Variants in MTMR2 observed in about 807,000 individuals in gnomAD.
MTMR2 encodes the protein myotubularin related protein 2.
MTMR2 carries 55 observed loss-of-function variants against 86.9 expected under a neutral mutation model. The ratio of observed to expected loss-of-function variants is 0.63; its 90% CI spans 0.51 to 0.79. The LOEUF (loss-of-function observed/expected upper bound fraction) is 0.79. MTMR2 is among the 30% of genes least tolerant of loss of function. MTMR2 has a pLI of 0.00. For missense variants in MTMR2, 659 were observed against 772.3 expected, an observed-to-expected ratio of 0.85 and a Z score of 1.74; for synonymous variants, 241 against 266.8, an observed-to-expected ratio of 0.90 and a Z score of 0.94.
rs146890775 is a variant in MTMR2 at position 95,899,997 on chromosome 11, G to A, written c.81-11736C>T. ...GCAGAGACATTCTGCTCAGGTTATG[G>A]AGCATCCACTGGGAAAAAAATTCTA... On this transcript the variant is annotated intron_variant, in intron 1 of 14. Coordinates refer to ENST00000346299, the MANE Select transcript of MTMR2 (RefSeq NM_016156.6). 4.2e-3 allele frequency among the ~76,000 whole-genome samples: 632 copies of A among 152,246 alleles called. 8 individuals carry two copies. Among genetic ancestry groups the A allele is most frequent in the African/African-American group, 0.014 (602 of 41,554 alleles).
rs11601858 is a variant in MTMR2, at chr11:95,880,238, C to T, written c.186+7918G>A. Among the ~76,000 whole-genome samples the T allele has an allele frequency of 9.5e-4, 144 of 152,010 alleles. 2 individuals carry two copies. The highest frequency in any genetic ancestry group is 3.3e-3 in the African/African-American group (138 of 41,480). On this transcript the variant is annotated intron_variant, in intron 2 of 14. Transcript: ENST00000346299. ...ACTGTAAGATACTCAATACATTACT[C>T]GTGTGTTTTAGGAGGAGCTTGTATT...
chr11:95,900,553 G>T (rs1040231340), intron 1 of MTMR2, among the ~76,000 whole-genome samples: 2 of 152,098 alleles, frequency 1.3e-5, no homozygotes, highest in East Asian at 1.9e-4. Flanking sequence ...GGCACGGACT[G>T]CCTCAACTTC....
intron 3 of MTMR2, 49 bp downstream of exon 3, chr11:95,865,552 T>C (rs780309878): frequency 6.6e-7 from 1 of 1,513,358 alleles, no homozygotes; most frequent in South Asian, 1.1e-5. Flanking sequence ...CTGAACATTC[T>C]GCACAGTAGA....
chr11:95,911,031 G>A (rs548402608), intron 1 of MTMR2, among the ~76,000 whole-genome samples: 1 of 152,242 alleles, frequency 6.6e-6, no homozygotes, highest in Non-Finnish European at 1.5e-5. Flanking sequence ...TAAAAATGCT[G>A]TGCCAGAACC....
At chr11:95,870,748 T>TTTA (rs1427410098) in intron 2 of MTMR2, among the ~76,000 whole-genome samples, 1 of 151,084 alleles carries the variant, frequency 6.6e-6, no homozygotes, top group African/African-American at 2.4e-5. Flanking sequence ...TTTTTTTTTT[T>TTTA]ATTATACTTT....
At chr11:95,868,273 T>TAAAAAAAAAAAAAAAAAAAAAAAAAAAA (rs555618890) in intron 2 of MTMR2, among the ~76,000 whole-genome samples, 8 of 42,220 alleles carry the variant, frequency 1.9e-4, no homozygotes, top group Admixed American at 4.5e-4. Flanking sequence ...GACCCTGTGC[T>TAAAAAAAAAAAAAAAAAAAAAAAAAAAA]AAAAAAAAAA....
chr11:95,867,761 G>C (rs117151750), intron 2 of MTMR2, among the ~76,000 whole-genome samples: 82 of 138,408 alleles, frequency 5.9e-4, no homozygotes, highest in South Asian at 3.4e-3. Context: ...ACTGATTCTA[G>C]ACAAATCTAT....
chr11:95,861,552 T>C (rs960800136), intron 5 of MTMR2, among the ~76,000 whole-genome samples: 7 of 151,766 alleles, frequency 4.6e-5, no homozygotes, highest in South Asian at 2.1e-4. Context: ...GCCTCCCCAA[T>C]AGCTGAGATT....
At position 95,842,731 on chromosome 11, in the gene MTMR2, T is replaced by C. The variant is rs576640969; in HGVS notation, c.1387-1022A>G. Among the ~76,000 whole-genome samples the C allele has an allele frequency of 5.0e-4, 76 of 152,362 alleles. 1 individual carries two copies. The highest frequency in any genetic ancestry group is 8.5e-4 in the Non-Finnish European group (58 of 68,034). ...ATTTGCACTAATGATGCAGAAGTTA[T>C]GAAGGATAAAAATTCTGGTGCCTTT... On this transcript the variant is annotated intron_variant, in intron 11 of 14. Transcript: ENST00000346299.
intron 1 of MTMR2, among the ~76,000 whole-genome samples, chr11:95,917,764 T>C (rs1322599370): frequency 6.6e-6 from 1 of 152,200 alleles, no homozygotes; most frequent in African/African-American, 2.4e-5. Context: ...TAAAGTTTGT[T>C]ACCCTCATCA....
intron 7 of MTMR2, among the ~76,000 whole-genome samples, chr11:95,851,850 C>T (rs1864034367): frequency 6.6e-6 from 1 of 152,192 alleles, no homozygotes; most frequent in African/African-American, 2.4e-5. Flanking sequence ...AAAATGACAA[C>T]AGGCAACAGG....
intron 1 of MTMR2, among the ~76,000 whole-genome samples, chr11:95,916,317 A>G (rs1043075489): frequency 5.3e-5 from 8 of 152,142 alleles, no homozygotes; most frequent in Non-Finnish European, 1.2e-4. Context: ...TTGTTTACCT[A>G]CGTATGGCCA....
chr11:95,849,583 T>C (rs926199831), intron 9 of MTMR2, 91 bp downstream of exon 9: 25 of 1,155,148 alleles, frequency 2.2e-5, no homozygotes, highest in Non-Finnish European at 3.0e-5. Context: ...TTTACCACTG[T>C]AGAGCCTGAG....
intron 2 of MTMR2, among the ~76,000 whole-genome samples, chr11:95,872,974 T>C (rs564910269): frequency 4.6e-5 from 7 of 152,330 alleles, no homozygotes; most frequent in Non-Finnish European, 4.4e-5. Flanking sequence ...TCCCACTTGA[T>C]CATGGTGGAT....
At chr11:95,913,938 T>C (rs562325645) in intron 1 of MTMR2, among the ~76,000 whole-genome samples, 124 of 152,268 alleles carry the variant, frequency 8.1e-4, no homozygotes, top group African/African-American at 2.8e-3. Flanking sequence ...ATAACATGAA[T>C]TCTTGTCATC....
At chr11:95,855,282 G>C (rs917658904) in intron 7 of MTMR2, among the ~76,000 whole-genome samples, 3 of 151,994 alleles carry the variant, frequency 2.0e-5, no homozygotes, top group Admixed American at 2.0e-4. Context: ...TTGAGACATG[G>C]CATCTCACTA....
rs191624427 is a variant in MTMR2 at position 95,866,181 on chromosome 11, T to C, written c.187-505A>G. Among the ~76,000 whole-genome samples the C allele has an allele frequency of 1.6e-4, 25 of 152,322 alleles. No individual in the cohort carries two copies. The East Asian group carries it at 4.8e-3, about 29-fold the overall frequency. The stretch of plus-strand genomic sequence containing the variant: ...ATTTAGAAATGATGTTGATAAATCA[T>C]CTTGTTGAAAAAGAGTTTAAATAAA... On this transcript the variant is annotated intron_variant, in intron 2 of 14. Coordinates refer to ENST00000346299, the MANE Select transcript of MTMR2 (RefSeq NM_016156.6).
At chr11:95,857,664 T>G (rs1555063180) in intron 6 of MTMR2, 29 bp from the exon 7 acceptor site, 2 of 1,410,408 alleles carry the variant, frequency 1.4e-6, no homozygotes, top group Admixed American at 1.7e-5. Flanking sequence ...TGGTAAGAGC[T>G]AAAAAAGATA....
intron 1 of MTMR2, among the ~76,000 whole-genome samples, chr11:95,903,236 C>A (rs1247916934): frequency 6.6e-6 from 1 of 152,094 alleles, no homozygotes; most frequent in Non-Finnish European, 1.5e-5. Context: ...TTCTCTAGTA[C>A]CCCCAACCAA....
Sources: allele counts gnomAD v4.1 joint callset (sites outside exome capture counted in the v4.1 genomes callset), GRCh38; gene constraint gnomAD v4.1.1; transcripts MANE v1.5; gene names NCBI Gene and HGNC (gene_info 2026-07-23, HGNC 2026-07-21).